CDC23: variants seen among roughly 807,000 people sequenced by gnomAD.
CDC23 encodes cell division cycle protein 23 homolog.
A neutral mutation model predicts 81.7 loss-of-function variants in CDC23; 26 were observed. The observed-to-expected ratio is 0.32, with a 90% CI of 0.23 to 0.44. The LOEUF (loss-of-function observed/expected upper bound fraction) is 0.44, where lower values mean the gene tolerates loss of function less well. Among genes scored for constraint, CDC23 ranks in the 20% least tolerant of loss-of-function variants. CDC23 has a pLI of 1.00. For synonymous variants in CDC23, 267 were observed against 270.8 expected (o/e 0.99, Z 0.14); for missense variants, 519 against 728.0 (o/e 0.71, Z 3.30).
At chr5:138,208,105 G>A (rs940845246) in intron 2 of CDC23, among the ~76,000 whole-genome samples, 20 of 151,940 alleles carry the variant, frequency 1.3e-4, no homozygotes, top group African/African-American at 4.6e-4. Context: ...GGGATTACAG[G>A]TGCCCGCCAC....
intron 2 of CDC23, among the ~76,000 whole-genome samples, chr5:138,206,923 A>G (rs900687953): frequency 7.4e-6 from 1 of 135,340 alleles, no homozygotes; most frequent in Non-Finnish European, 1.5e-5. Flanking sequence ...TCTGTCACCC[A>G]GGCTGGAGTG....
chr5:138,196,659 C>T (rs1754911397), intron 9 of CDC23, among the ~76,000 whole-genome samples: 1 of 151,526 alleles, frequency 6.6e-6, no homozygotes, highest in Non-Finnish European at 1.5e-5. Flanking sequence ...CGGCTCACTG[C>T]AACCTCCGCC....
chr5:138,203,034 G>C (rs1755006243), intron 3 of CDC23, among the ~76,000 whole-genome samples: 1 of 152,056 alleles, frequency 6.6e-6, no homozygotes, highest in Non-Finnish European at 1.5e-5. Context: ...AGCAGTGAGG[G>C]GCTTAAAGGC....
At chr5:138,212,314 C>CTTTA (rs778441317) in intron 2 of CDC23, among the ~76,000 whole-genome samples, 1 of 152,022 alleles carries the variant, frequency 6.6e-6, no homozygotes, top group East Asian at 1.9e-4. Flanking sequence ...ATTGTAAAAA[C>CTTTA]TTTATTTATT....
intron 9 of CDC23, among the ~76,000 whole-genome samples, chr5:138,195,714 A>ATATATATGTATATATATACATATAT (rs1561634102): frequency 3.0e-4 from 19 of 62,966 alleles, no homozygotes; most frequent in Non-Finnish European, 3.4e-4. Flanking sequence ...TATACATATA[A>ATATATATGTATATATATACATATAT]TATATATGTA....
intron 2 of CDC23, among the ~76,000 whole-genome samples, chr5:138,207,162 G>A (rs1427284104): frequency 2.6e-5 from 4 of 152,030 alleles, no homozygotes; most frequent in Non-Finnish European, 5.9e-5. Context: ...TTACAGGTAT[G>A]AGCGACCGCA....
chr5:138,213,081 A>G lies in CDC23; in HGVS notation c.162-18T>C. Reference sequence around the variant, plus strand: ...CCGCCGACCTGGAACACCCACACAAACTAGATCAGCTCGACAAGCCCCCCA... The same window carrying G: ...CCGCCGACCTGGAACACCCACACAAGCTAGATCAGCTCGACAAGCCCCCCA... On this transcript the variant is annotated intron_variant, in intron 1 of 15. Coordinates refer to ENST00000394886, the MANE Select transcript of CDC23 (RefSeq NM_004661.4). The G allele has an allele frequency of 5.0e-6, 8 of 1,613,896 alleles. No homozygotes were observed. Among genetic ancestry groups the G allele is most frequent in the Non-Finnish European group, 6.8e-6 (8 of 1,179,954 alleles).
At chr5:138,192,920 TAC>T (rs1436695942) in intron 9 of CDC23, among the ~76,000 whole-genome samples, 1 of 152,212 alleles carries the variant, frequency 6.6e-6, no homozygotes, top group Non-Finnish European at 1.5e-5. Flanking sequence ...AGCATTTATA[TAC>T]ACAGTCTCTT....
intron 9 of CDC23, among the ~76,000 whole-genome samples, chr5:138,194,718 CTTT>C (rs926814787): frequency 2.5e-5 from 3 of 118,786 alleles, no homozygotes; most frequent in African/African-American, 3.1e-5. Flanking sequence ...TTTTTGGTGT[CTTT>C]TTTTTTTTTT....
intron 9 of CDC23, among the ~76,000 whole-genome samples, chr5:138,196,079 G>A (rs942528437): frequency 6.6e-5 from 10 of 150,832 alleles, no homozygotes; most frequent in East Asian, 1.9e-4. Context: ...GAAAGCTAGC[G>A]TATTATTTTT....
chr5:138,199,032 T>C (rs1032050080), intron 6 of CDC23, among the ~76,000 whole-genome samples: 1 of 151,986 alleles, frequency 6.6e-6, no homozygotes, highest in Admixed American at 6.6e-5. Flanking sequence ...GGGTAGGATT[T>C]GAATACAAAA....
In CDC23 at chr5:138,202,154, G is replaced by T; in HGVS notation, c.374C>A (p.Ser125Tyr). The T allele has an allele frequency of 6.2e-7, 1 of 1,607,334 alleles. No homozygotes were observed. Among genetic ancestry groups the T allele is most frequent in the South Asian group, 1.1e-5 (1 of 90,288 alleles). The change falls in exon 4 of 16, where the codon TCT becomes TAT. Residue 125 changes from serine (S) to tyrosine (Y), a missense_variant and splice_region_variant. Coordinates refer to ENST00000394886, the MANE Select transcript of CDC23 (RefSeq NM_004661.4). ...YFLYMYSRYL[S>Y]GEKKKDDETV... ...TTCATCGTCCTTCTTTTTTTCTCCAGACTGTAAGAGAAAATCAACAAATAG... is the reference window on the plus strand; with the variant it reads ...TTCATCGTCCTTCTTTTTTTCTCCATACTGTAAGAGAAAATCAACAAATAG...
rs560192849 is a variant in CDC23 at position 138,187,759 on chromosome 5, T to C, written c.*1219A>G. ...AACATCATTCTGGACCATGGGAACC[T>C]TGAAAAGGCATGGCAGTGGAGACCA... On this transcript the variant is annotated 3_prime_UTR_variant, in exon 16 of 16. Coordinates refer to ENST00000394886, the MANE Select transcript of CDC23 (RefSeq NM_004661.4). The C allele has an allele frequency of 7.1e-4, 154 of 215,710 alleles. No homozygotes were observed. The highest frequency in any genetic ancestry group is 1.2e-3 in the Non-Finnish European group (131 of 106,154). 13.4% of individuals were successfully genotyped at this position (215,710 alleles called of 1,614,324 possible). A position where few individuals can be genotyped will look rare whatever the true frequency, so the allele number is the denominator to read the frequency against.
At chr5:138,192,700 A>G (rs570554162) in intron 9 of CDC23, 43 bp from the exon 10 acceptor site, 4 of 1,571,416 alleles carry the variant, frequency 2.5e-6, no homozygotes, top group Non-Finnish European at 3.5e-6. Flanking sequence ...CAGAAAGGTA[A>G]AAATAAAAGT....
chr5:138,206,590 T>C lies in CDC23; in HGVS notation c.329A>G (p.Asn110Ser). The change falls in exon 3 of 16, where the codon AAT becomes AGT. Residue 110 changes from asparagine (N) to serine (S), a missense_variant. Asn to Ser is a conservative substitution (Grantham distance 46, BLOSUM62 1). Coordinates refer to ENST00000394886, the MANE Select transcript of CDC23 (RefSeq NM_004661.4). ...ATACAGAAAATAGGCTTTCTTGCTATTGCAGCCATGCAGGAAATGTGCTGC... is the reference window on the plus strand; with the variant it reads ...ATACAGAAAATAGGCTTTCTTGCTACTGCAGCCATGCAGGAAATGTGCTGC... ...DRAAHFLHGC[N>S]SKKAYFLYMY... 1 of 1,614,182 alleles carries C rather than the reference T, an allele frequency of 6.2e-7. No individual in the cohort carries two copies. Among genetic ancestry groups the C allele is most frequent in the Non-Finnish European group, 8.5e-7 (1 of 1,180,004 alleles).
At chr5:138,197,276 C>CCTG (rs1410539899) in intron 9 of CDC23, among the ~76,000 whole-genome samples, 1 of 140,728 alleles carries the variant, frequency 7.1e-6, no homozygotes, top group Non-Finnish European at 1.5e-5. Flanking sequence ...TGCACTCCAG[C>CCTG]CTGGACGACA....
chr5:138,210,673 A>C (rs929576358), intron 2 of CDC23, among the ~76,000 whole-genome samples: 1 of 152,232 alleles, frequency 6.6e-6, no homozygotes. Context: ...ACAAATTGGT[A>C]AAGAGGCTGC....
At chr5:138,212,891 C>CT (rs1755130087) in intron 2 of CDC23, 100 bp downstream of exon 2, 3 of 900,548 alleles carry the variant, frequency 3.3e-6, no homozygotes, top group Non-Finnish European at 3.7e-6. Context: ...ACAAACATTT[C>CT]TGCTAAGCAG....
intron 2 of CDC23, among the ~76,000 whole-genome samples, chr5:138,210,294 G>A (rs909045782): frequency 4.0e-5 from 6 of 151,352 alleles, no homozygotes; most frequent in African/African-American, 9.7e-5. Context: ...GGGATGCCTC[G>A]GTGGGTGGAT....
Sources: gnomAD v4.1 joint callset for allele counts (sites outside exome capture counted in the v4.1 genomes callset) on GRCh38, gnomAD v4.1.1 for gene constraint, MANE v1.5 for transcripts, NCBI Gene and HGNC (gene_info 2026-07-23, HGNC 2026-07-21) for gene names.